Variants in KDM1B observed in about 807,000 individuals in gnomAD.
The protein encoded by KDM1B is lysine-specific histone demethylase 2.
Under a neutral mutation model 107.4 loss-of-function variants are expected in KDM1B, and 63 were observed. That is an observed-to-expected ratio of 0.59 (90% CI 0.48 to 0.72). The LOEUF (loss-of-function observed/expected upper bound fraction) is 0.72. Among genes scored for constraint, KDM1B ranks in the 30% least tolerant of loss-of-function variants. The pLI, the probability that KDM1B is intolerant of heterozygous loss-of-function variation, is 0.00. For synonymous variants in KDM1B, 363 were observed against 363.9 expected (o/e 1.00, Z 0.03); for missense variants, 749 against 1,020.8 (o/e 0.73, Z 3.63).
rs1788954481 is a variant in KDM1B, at chr6:18,212,880, T to C, written c.1983+276T>C. On this transcript the variant is annotated intron_variant, in intron 18 of 21. Coordinates refer to ENST00000650836, the MANE Select transcript of KDM1B (RefSeq NM_001364614.2). This position sits in a 1 kb window ranked among gnomAD's most constrained non-coding sequence, Gnocchi z 5.2. ...TAAGCAATTCTTTTATCCCCTTTTT[T>C]CCCCCCTTCTGCTTTCTTTCTTGTC... 6.6e-6 allele frequency among the ~76,000 whole-genome samples: 1 copy of C among 152,138 alleles called. No individual in the cohort carries two copies. The highest frequency in any genetic ancestry group is 2.4e-5 in the African/African-American group (1 of 41,438).
chr6:18,159,781 C>T lies in KDM1B; in HGVS notation c.-13-102C>T. 1.5e-6 allele frequency: 1 copy of T among 653,768 alleles called. No individual in the cohort carries two copies. Among genetic ancestry groups the T allele is most frequent in the South Asian group, 1.8e-5 (1 of 54,394 alleles). 40.5% of individuals were successfully genotyped at this position (653,768 alleles called of 1,614,324 possible). ...AACTGTAGCTTTGTATTTAGGCAAT[C>T]TGACATACATTCTTACCTACCAAAG... is the stretch of plus-strand genomic sequence containing the variant. On this transcript the variant is annotated intron_variant, in intron 2 of 21. Transcript: ENST00000650836. The surrounding 1 kb of genome is among the most constrained non-coding windows in gnomAD (Gnocchi z 4.5).
Position 18,214,968 on chromosome 6 carries a change from G to A in KDM1B, c.2110-39G>A. 1 of 1,602,662 alleles carries A rather than the reference G, an allele frequency of 6.2e-7. No individual in the cohort carries two copies. The highest frequency in any genetic ancestry group is 2.2e-5 in the East Asian group (1 of 44,696). Reference sequence around the variant, plus strand: ...AGAGGCCCTTATCTGTGGGAGCTGAGCACTCACAGACCTCCTGCTTTTCCT... The same window carrying A: ...AGAGGCCCTTATCTGTGGGAGCTGAACACTCACAGACCTCCTGCTTTTCCT... On this transcript the variant is annotated intron_variant, in intron 19 of 21. Coordinates refer to ENST00000650836, the MANE Select transcript of KDM1B (RefSeq NM_001364614.2). The surrounding 1 kb of genome is among the most constrained non-coding windows in gnomAD (Gnocchi z 4.4).
chr6:18,187,561 A>T (rs996530696), intron 8 of KDM1B, among the ~76,000 whole-genome samples: 1 of 152,178 alleles, frequency 6.6e-6, no homozygotes, highest in Admixed American at 6.5e-5. Context: ...CTGTTGCCAT[A>T]TGTCAGAAAG....
At chr6:18,199,640 G>T (rs1395472772) in intron 12 of KDM1B, among the ~76,000 whole-genome samples, 1 of 151,726 alleles carries the variant, frequency 6.6e-6, no homozygotes, top group Non-Finnish European at 1.5e-5. Context: ...AATAGCCTGG[G>T]TATGAGACAG....
At chr6:18,164,881 T>C (rs1371135266) in intron 5 of KDM1B, among the ~76,000 whole-genome samples, 1 of 152,042 alleles carries the variant, frequency 6.6e-6, no homozygotes, top group Non-Finnish European at 1.5e-5. Context: ...CCTGGCCTCA[T>C]GTGATCCTCC....
intron 10 of KDM1B, among the ~76,000 whole-genome samples, chr6:18,196,448 A>G (rs903202737): frequency 2.0e-5 from 3 of 151,834 alleles, no homozygotes; most frequent in African/African-American, 7.3e-5. Context: ...ACCAACAGTG[A>G]ATAAGGGTTC....
Position 18,212,332 on chromosome 6 carries a change from C to G in KDM1B, c.1867-156C>G. On this transcript the variant is annotated intron_variant, in intron 17 of 21. Transcript: ENST00000650836. This position sits in a 1 kb window ranked among gnomAD's most constrained non-coding sequence, Gnocchi z 5.2. The stretch of plus-strand genomic sequence containing the variant: ...CCTGTGGTTGCCACTTCTGCTTAGC[C>G]AGGCATTGGCACCCTTGTGCAGTGA... The G allele has an allele frequency of 1.5e-6, 1 of 670,980 alleles. No homozygotes were observed. Among genetic ancestry groups the G allele is most frequent in the Non-Finnish European group, 2.7e-6 (1 of 371,924 alleles). The allele number at this position is 670,980 out of a possible 1,614,324, so 41.6% of individuals were successfully genotyped here.
At chr6:18,202,428 C>T (rs1788099600) in intron 14 of KDM1B, among the ~76,000 whole-genome samples, 1 of 152,054 alleles carries the variant, frequency 6.6e-6, no homozygotes, top group Non-Finnish European at 1.5e-5. Flanking sequence ...AATTCAAAAT[C>T]TTTTGGCTTT....
intron 20 of KDM1B, among the ~76,000 whole-genome samples, chr6:18,215,791 G>A (rs1474749868): frequency 6.7e-6 from 1 of 149,898 alleles, no homozygotes; most frequent in Non-Finnish European, 1.5e-5. Flanking sequence ...TTTCTACGTG[G>A]ATTCTATATT....
chr6:18,194,805 A>G (rs1787536679), intron 10 of KDM1B, among the ~76,000 whole-genome samples: 1 of 152,120 alleles, frequency 6.6e-6, no homozygotes. Flanking sequence ...GCCTAGCCCT[A>G]TTCCATCTTA....
Position 18,213,643 on chromosome 6 carries a change from G to A in KDM1B, c.1984-13G>A. ...ACAGACACCTAACCACCTTTCTTCT[G>A]CTCACTTTGCAGATTGCCTTGCAAT... On this transcript the variant is annotated splice_polypyrimidine_tract_variant and intron_variant, in intron 18 of 21. Coordinates refer to ENST00000650836, the MANE Select transcript of KDM1B (RefSeq NM_001364614.2). The surrounding 1 kb of genome is among the most constrained non-coding windows in gnomAD (Gnocchi z 5.9). The A allele has an allele frequency of 6.2e-7, 1 of 1,613,866 alleles. No individual in the cohort carries two copies. The highest frequency in any genetic ancestry group is 8.5e-7 in the Non-Finnish European group (1 of 1,179,860).
At chr6:18,161,720 C>T (rs1195570339) in intron 4 of KDM1B, among the ~76,000 whole-genome samples, 1 of 152,122 alleles carries the variant, frequency 6.6e-6, no homozygotes, top group Non-Finnish European at 1.5e-5. Context: ...ATATCTACCT[C>T]TCCAAGGGTT....
At position 18,167,363 on chromosome 6, in the gene KDM1B, GA is replaced by G. The variant is rs968104118; in HGVS notation, c.417+995del. Among the ~76,000 whole-genome samples, 330 of 146,668 alleles carry G rather than the reference GA, an allele frequency of 2.2e-3. 1 individual carries two copies. The highest frequency in any genetic ancestry group is 7.6e-3 in the African/African-American group (306 of 40,080). ...AGAGTGGGACTCTGTCTCAAAAAAAGAAAAAAAAAATTAAATTGACCTCATA... is the reference window on the plus strand; with the variant it reads ...AGAGTGGGACTCTGTCTCAAAAAAAGAAAAAAAAATTAAATTGACCTCATA... On this transcript the variant is annotated intron_variant, in intron 6 of 21. Coordinates refer to ENST00000650836, the MANE Select transcript of KDM1B (RefSeq NM_001364614.2).
rs541694885 is a variant in KDM1B at position 18,167,966 on chromosome 6, GC to G, written c.417+1591del. On this transcript the variant is annotated intron_variant, in intron 6 of 21. Coordinates refer to ENST00000650836, the MANE Select transcript of KDM1B (RefSeq NM_001364614.2). ...TTATAGAGACAGGACTCGATATCTTGCCCAGGCTGGTCTCAAATACTGGACT... is the reference window on the plus strand; with the variant it reads ...TTATAGAGACAGGACTCGATATCTTGCCAGGCTGGTCTCAAATACTGGACT... Among the ~76,000 whole-genome samples the G allele has an allele frequency of 6.8e-3, 1,038 of 152,172 alleles. 13 individuals carry two copies. The highest frequency in any genetic ancestry group is 0.023 in the African/African-American group (970 of 41,504).
At chr6:18,198,023 T>C (rs1398484909) in intron 12 of KDM1B, among the ~76,000 whole-genome samples, 1 of 151,712 alleles carries the variant, frequency 6.6e-6, no homozygotes, top group Non-Finnish European at 1.5e-5. Flanking sequence ...CCTCTTGGGT[T>C]CAAGCTGGGA....
Position 18,166,336 on chromosome 6 carries a change from T to G in KDM1B, c.375T>G (p.Pro125=), listed in dbSNP as rs762210329. The change falls in exon 6 of 22, where the codon CCT becomes CCG. Residue 125 remains proline, a synonymous_variant. Transcript: ENST00000650836. ...GGACTAGCAATGGCAAAACCGAACC[T>G]AGTCCCAAAGCTTTCATGGCAGACC... is the stretch of plus-strand genomic sequence containing the variant. ...KIWTSNGKTE[P]SPKAFMADQQ... is the part of the protein sequence containing the mutation. The G allele has an allele frequency of 6.2e-7, 1 of 1,613,390 alleles. No individual in the cohort carries two copies. Among genetic ancestry groups the G allele is most frequent in the East Asian group, 2.2e-5 (1 of 44,878 alleles).
intron 20 of KDM1B, among the ~76,000 whole-genome samples, chr6:18,215,973 C>T (rs1789197600): frequency 6.6e-6 from 1 of 151,912 alleles, no homozygotes; most frequent in Non-Finnish European, 1.5e-5. Flanking sequence ...ATGGCCATGG[C>T]TTATATCTTT....
At position 18,209,017 on chromosome 6, in the gene KDM1B, T is replaced by C. The variant is rs1383560861; in HGVS notation, c.1866+811T>C. On this transcript the variant is annotated intron_variant, in intron 17 of 21. Coordinates refer to ENST00000650836, the MANE Select transcript of KDM1B (RefSeq NM_001364614.2). The surrounding 1 kb of genome is among the most constrained non-coding windows in gnomAD (Gnocchi z 4.3). ...TTAAAGAAATCTATTTTACTTTTATTCTGTGCTCTCCACATTTTTTTAAAC... is the reference window on the plus strand; with the variant it reads ...TTAAAGAAATCTATTTTACTTTTATCCTGTGCTCTCCACATTTTTTTAAAC... Among the ~76,000 whole-genome samples, 1 of 152,146 alleles carries C rather than the reference T, an allele frequency of 6.6e-6. No homozygotes were observed. Among genetic ancestry groups the C allele is most frequent in the African/African-American group, 2.4e-5 (1 of 41,442 alleles).
At chr6:18,170,978 G>A (rs535108866) in intron 6 of KDM1B, among the ~76,000 whole-genome samples, 3 of 151,978 alleles carry the variant, frequency 2.0e-5, no homozygotes, top group East Asian at 1.9e-4. Context: ...CCGCCACCAC[G>A]CCTGGCTAAC....
Sources: allele counts gnomAD v4.1 joint callset (sites outside exome capture counted in the v4.1 genomes callset), GRCh38; gene constraint gnomAD v4.1.1; non-coding constraint Gnocchi (gnomAD v3.1); transcripts MANE v1.5; gene names NCBI Gene and HGNC (gene_info 2026-07-23, HGNC 2026-07-21).